Variants in LRRC32 observed in about 807,000 individuals in gnomAD.
The protein encoded by LRRC32 is leucine rich repeat containing 32, also known as transforming growth factor beta activator LRRC32.
In LRRC32, 5 loss-of-function variants were observed where a neutral mutation model predicts 15.0. The ratio of observed to expected loss-of-function variants is 0.33; its 90% CI spans 0.17 to 0.70. The LOEUF is 0.70. Ranked by LOEUF, LRRC32 falls within the 30% of genes least tolerant of loss-of-function variation. The probability of loss-of-function intolerance (pLI) is 0.66; values close to 1 mark genes in which losing one functional copy is unlikely to be tolerated. For synonymous variants in LRRC32, 391 were observed against 403.9 expected (o/e 0.97, Z 0.38); for missense variants, 803 against 854.2 (o/e 0.94, Z 0.75).
chr11:76,661,824 T>C (rs1952540644), intron 2 of LRRC32, among the ~76,000 whole-genome samples: 1 of 152,080 alleles, frequency 6.6e-6, no homozygotes, highest in Non-Finnish European at 1.5e-5. Context: ...ACCCTGTACT[T>C]ATTATTACCC....
chr11:76,662,662 G>A (rs1209572397), intron 2 of LRRC32: 1 of 152,376 alleles, frequency 6.6e-6, no homozygotes, highest in African/African-American at 2.4e-5. Context: ...CCAGAAAAAG[G>A]TCTGACTTCC....
rs1019736864 is a variant in LRRC32, at chr11:76,658,615, T to A, written c.*989A>T. The A allele has an allele frequency of 6.6e-6, 1 of 152,414 alleles. No homozygotes were observed. The highest frequency in any genetic ancestry group is 1.5e-5 in the Non-Finnish European group (1 of 68,048). The allele number at this position is 152,414 out of a possible 1,614,324, so 9.4% of individuals were successfully genotyped here. A position where few individuals can be genotyped will look rare whatever the true frequency, so the allele number is the denominator to read the frequency against. On this transcript the variant is annotated 3_prime_UTR_variant, in exon 3 of 3. Transcript: ENST00000260061. Reference sequence around the variant, plus strand: ...AGTTAGCTGGGGCCCTGGAAGGAGATTTTCAGAACTTCAGTTTCCTCTTTT... The same window carrying A: ...AGTTAGCTGGGGCCCTGGAAGGAGAATTTCAGAACTTCAGTTTCCTCTTTT...
rs771199318 is a variant in LRRC32 at position 76,661,368 on chromosome 11, A to T, written c.225T>A (p.Leu75=). 6.2e-7 allele frequency: 1 copy of T among 1,614,060 alleles called. No homozygotes were observed. Among genetic ancestry groups the T allele is most frequent in the Non-Finnish European group, 8.5e-7 (1 of 1,180,014 alleles). Residue 75 remains leucine (L), a synonymous_variant, in exon 3 of 3, where the codon CTT becomes CTA. Coordinates refer to ENST00000260061, the MANE Select transcript of LRRC32 (RefSeq NM_001128922.2). ...CATTGGTGCTCAGGTCCAGGTGACGAAGTGCTGTGTAGAAGCCCAGGGGTG... is the reference window on the plus strand; with the variant it reads ...CATTGGTGCTCAGGTCCAGGTGACGTAGTGCTGTGTAGAAGCCCAGGGGTG... ...LASPLGFYTA[L]RHLDLSTNEI... is the part of the protein sequence containing the mutation.
In LRRC32 at chr11:76,659,808, G is replaced by A; in HGVS notation, c.1785C>T (p.Thr595=). The A allele has an allele frequency of 1.2e-6, 2 of 1,614,202 alleles. No individual in the cohort carries two copies. Among genetic ancestry groups the A allele is most frequent in the Non-Finnish European group, 1.7e-6 (2 of 1,180,036 alleles). Residue 595 remains threonine (T), a synonymous_variant, in exon 3 of 3, where the codon ACC becomes ACT. Transcript: ENST00000260061. The stretch of plus-strand genomic sequence containing the variant: ...AGCTGAAGCGGCAGATCAGGTCCTG[G>A]GTGGCGTCCACGTCCACACGGCCCT... ...LHQGRVDVDA[T]QDLICRFSSQ...
intron 1 of LRRC32, among the ~76,000 whole-genome samples, chr11:76,668,881 ACTCTGTCCTGG>A (rs1211940434): frequency 3.3e-5 from 5 of 152,144 alleles, no homozygotes; most frequent in African/African-American, 7.2e-5. Flanking sequence ...GCACATGGGC[ACTCTGTCCTGG>A]CATCTGACGG....
rs749871861 is a variant in LRRC32 at position 76,660,042 on chromosome 11, C to A, written c.1551G>T (p.Lys517Asn). 1.2e-6 allele frequency: 2 copies of A among 1,614,156 alleles called. No homozygotes were observed. The highest frequency in any genetic ancestry group is 2.2e-5 in the South Asian group (2 of 91,092). The stretch of plus-strand genomic sequence containing the variant: ...GGCGGTTCTCGGCAAGATTGAGCCG[C>A]TTGAGGCAGATGAAGCAGGGCAGGT... ...QVDLPCFICL[K>N]RLNLAENRLS... Residue 517 changes from lysine (K) to asparagine (N), a missense_variant, in exon 3 of 3, where the codon AAG (lysine) becomes AAT (asparagine). Transcript: ENST00000260061.
intron 1 of LRRC32, among the ~76,000 whole-genome samples, chr11:76,669,157 A>G (rs1410805278): frequency 1.3e-5 from 2 of 152,122 alleles, no homozygotes; most frequent in African/African-American, 4.8e-5. Flanking sequence ...GATCAGGCAA[A>G]GAATGGTGGC....
Position 76,660,363 on chromosome 11 carries a change from G to A in LRRC32, c.1230C>T (p.Ala410=). ...CCTGCAGGTTGAGCCGCTGCAGGCT[G>A]GCCAGATTGGCAAAGGTGTATGGGG... ...DLPPYTFANL[A]SLQRLNLQGN... is the part of the protein sequence containing the mutation. The change falls in exon 3 of 3, where the codon GCC becomes GCT. Residue 410 remains alanine (A), a synonymous_variant. Transcript: ENST00000260061. The A allele has an allele frequency of 6.2e-7, 1 of 1,613,334 alleles. No individual in the cohort carries two copies. Among genetic ancestry groups the A allele is most frequent in the Non-Finnish European group, 8.5e-7 (1 of 1,179,756 alleles).
chr11:76,659,879 G>T lies in LRRC32; in HGVS notation c.1714C>A (p.Pro572Thr). 1.2e-6 allele frequency: 2 copies of T among 1,614,006 alleles called. No individual in the cohort carries two copies. The highest frequency in any genetic ancestry group is 1.7e-6 in the Non-Finnish European group (2 of 1,180,018). Residue 572 changes from proline (P) to threonine (T), a missense_variant, in exon 3 of 3, where the codon CCA (proline) becomes ACA (threonine). Physicochemically the swap from Pro to Thr is conservative, Grantham distance 38. Transcript: ENST00000260061. ...SLRRLYLQGN[P>T]LSCCGNGWLA... Reference sequence around the variant, plus strand: ...CAGCCATTGCCGCAGCAGCTGAGTGGATTCCCCTGCAGGTAGAGGCGCCGG... The same window carrying T: ...CAGCCATTGCCGCAGCAGCTGAGTGTATTCCCCTGCAGGTAGAGGCGCCGG...
At position 76,661,080 on chromosome 11, in the gene LRRC32, G is replaced by A. The variant is rs1366286289; in HGVS notation, c.513C>T (p.Asp171=). Residue 171 remains aspartate, a synonymous_variant, in exon 3 of 3, where the codon GAC becomes GAT. Coordinates refer to ENST00000260061, the MANE Select transcript of LRRC32 (RefSeq NM_001128922.2). ...LTRLTRHTFR[D]MPALEQLDLH... is the part of the protein sequence containing the mutation. Reference sequence around the variant, plus strand: ...GGTCAAGCTGCTCCAGCGCAGGCATGTCCCGGAAGGTGTGGCGGGTGAGGC... The same window carrying A: ...GGTCAAGCTGCTCCAGCGCAGGCATATCCCGGAAGGTGTGGCGGGTGAGGC... 3.1e-6 allele frequency: 5 copies of A among 1,614,124 alleles called. No homozygotes were observed. Among genetic ancestry groups the A allele is most frequent in the East Asian group, 2.2e-5 (1 of 44,904 alleles).
At position 76,660,617 on chromosome 11, in the gene LRRC32, C is replaced by T; in HGVS notation, c.976G>A (p.Glu326Lys). The change falls in exon 3 of 3, where the codon GAG becomes AAG. Residue 326 changes from glutamate to lysine, a missense_variant. Transcript: ENST00000260061. ...AAGCTGTCGGGGATGAGCTCAATCT[C>T]ATTGTAGCTCAAATCCAGATTCAAG... Reference protein sequence around the residue: ...QLLNLDLSYNEIELIPDSFLE... With the variant: ...QLLNLDLSYNKIELIPDSFLE... 6.2e-7 allele frequency: 1 copy of T among 1,614,158 alleles called. No individual in the cohort carries two copies. Among genetic ancestry groups the T allele is most frequent in the Non-Finnish European group, 8.5e-7 (1 of 1,180,020 alleles).
chr11:76,659,771 C>T lies in LRRC32; in HGVS notation c.1822G>A (p.Val608Met). ...LICRFSSQEEVSLSHVRPEDC... is the reference protein window; with the variant it reads ...LICRFSSQEEMSLSHVRPEDC... Reference sequence around the variant, plus strand: ...TCGGGACGCACGTGGCTCAGGGACACCTCCTCCTGGGAGCTGAAGCGGCAG... The same window carrying T: ...TCGGGACGCACGTGGCTCAGGGACATCTCCTCCTGGGAGCTGAAGCGGCAG... Residue 608 changes from valine to methionine, a missense_variant, in exon 3 of 3, where the codon GTG becomes ATG. Physicochemically the swap from Val to Met is conservative, Grantham distance 21. Coordinates refer to ENST00000260061, the MANE Select transcript of LRRC32 (RefSeq NM_001128922.2). 3 of 1,614,234 alleles carry T rather than the reference C, an allele frequency of 1.9e-6. No homozygotes were observed. The highest frequency in any genetic ancestry group is 1.6e-4 in the Middle Eastern group (1 of 6,062).
In LRRC32 at chr11:76,666,218, C is replaced by G. The variant is rs754492798; in HGVS notation, c.-4-260G>C. Among the ~76,000 whole-genome samples, 30 of 152,288 alleles carry G rather than the reference C, an allele frequency of 2.0e-4. 1 individual carries two copies. The highest frequency in any genetic ancestry group is 8.5e-4 in the Admixed American group (13 of 15,302). ...AGTTTTAAGCGGCAGGTGACTTGGT[C>G]AGACGGGGGTTTTCAAGAGACCCCA... On this transcript the variant is annotated intron_variant, in intron 1 of 2. Transcript: ENST00000260061.
chr11:76,664,837 G>A (rs891758250), intron 2 of LRRC32, among the ~76,000 whole-genome samples: 3 of 152,200 alleles, frequency 2.0e-5, no homozygotes, highest in Non-Finnish European at 4.4e-5. Context: ...TTCTCTGCCC[G>A]CAATTCTGGG....
In LRRC32 at chr11:76,659,733, C is replaced by T; in HGVS notation, c.1860G>A (p.Lys620=). The T allele has an allele frequency of 1.9e-6, 3 of 1,614,240 alleles. No homozygotes were observed. In the South Asian group the frequency reaches 3.3e-5, roughly 18 times the overall value. Residue 620 remains lysine, a synonymous_variant, in exon 3 of 3, where the codon AAG becomes AAA. Coordinates refer to ENST00000260061, the MANE Select transcript of LRRC32 (RefSeq NM_001128922.2). ...LSHVRPEDCE[K]GGLKNINLII... is the part of the protein sequence containing the mutation. Reference sequence around the variant, plus strand: ...TGAGGTTGATGTTCTTCAGTCCCCCCTTCTCACAGTCCTCGGGACGCACGT... The same window carrying T: ...TGAGGTTGATGTTCTTCAGTCCCCCTTTCTCACAGTCCTCGGGACGCACGT...
rs1272302974 is a variant in LRRC32 at position 76,658,958 on chromosome 11, A to T, written c.*646T>A. On this transcript the variant is annotated 3_prime_UTR_variant, in exon 3 of 3. Transcript: ENST00000260061. ...CTGGAGCCGCCGTGGCCCACCTAACAACACCAGATCCGAGACACACTCGTA... is the reference window on the plus strand; with the variant it reads ...CTGGAGCCGCCGTGGCCCACCTAACTACACCAGATCCGAGACACACTCGTA... 6.5e-6 allele frequency: 1 copy of T among 153,602 alleles called. No homozygotes were observed. The highest frequency in any genetic ancestry group is 1.5e-5 in the Non-Finnish European group (1 of 68,866). 9.5% of individuals were successfully genotyped at this position (153,602 alleles called of 1,614,324 possible). A position where few individuals can be genotyped will look rare whatever the true frequency, so the allele number is the denominator to read the frequency against.
Position 76,660,901 on chromosome 11 carries a change from T to C in LRRC32, c.692A>G (p.Glu231Gly). Residue 231 changes from glutamate to glycine, a missense_variant, in exon 3 of 3, where the codon GAG (glutamate) becomes GGG (glycine). Coordinates refer to ENST00000260061, the MANE Select transcript of LRRC32 (RefSeq NM_001128922.2). ...RVLDLSCNSI[E>G]AFQTASQPQA... ...GGGCTGGGAGGCCGTCTGAAAGGCC[T>C]CGATGCTGTTGCAGCTCAGGTCTAG... The C allele has an allele frequency of 6.2e-7, 1 of 1,614,104 alleles. No homozygotes were observed. The highest frequency in any genetic ancestry group is 8.5e-7 in the Non-Finnish European group (1 of 1,180,000).
intron 2 of LRRC32, among the ~76,000 whole-genome samples, chr11:76,662,409 C>A (rs1254897194): frequency 6.6e-6 from 1 of 152,116 alleles, no homozygotes; most frequent in Non-Finnish European, 1.5e-5. Context: ...TTGGTCTTTA[C>A]CACAGCCTGC....
Position 76,658,987 on chromosome 11 carries a change from C to G in LRRC32, c.*617G>C, listed in dbSNP as rs561728291. 20 of 154,646 alleles carry G rather than the reference C, an allele frequency of 1.3e-4. No individual in the cohort carries two copies. Among genetic ancestry groups the G allele is most frequent in the African/African-American group, 4.6e-4 (19 of 41,590 alleles). 9.6% of individuals were successfully genotyped at this position (154,646 alleles called of 1,614,324 possible). A position where few individuals can be genotyped will look rare whatever the true frequency, so the allele number is the denominator to read the frequency against. ...CCAGATCCGAGACACACTCGTACAG[C>G]TCCAATTCTCTCTTCTGGTCCTAAG... is the stretch of plus-strand genomic sequence containing the variant. On this transcript the variant is annotated 3_prime_UTR_variant, in exon 3 of 3. Transcript: ENST00000260061.
Sources: allele counts gnomAD v4.1 joint callset (sites outside exome capture counted in the v4.1 genomes callset), GRCh38; gene constraint gnomAD v4.1.1; transcripts MANE v1.5; gene names NCBI Gene and HGNC (gene_info 2026-07-23, HGNC 2026-07-21).